BRCA2: variants seen among roughly 807,000 people sequenced by gnomAD.
BRCA2 encodes BRCA2 DNA repair associated.
A neutral mutation model predicts 276.7 loss-of-function variants in BRCA2; 203 were observed. That is an observed-to-expected ratio of 0.73 (90% CI 0.65 to 0.82). BRCA2 has a LOEUF of 0.82. Ranked by LOEUF, BRCA2 falls within the 40% of genes least tolerant of loss-of-function variation. BRCA2 has a pLI of 0.00. For synonymous variants in BRCA2, 1,289 were observed against 1,338.4 expected, an observed-to-expected ratio of 0.96 and a Z score of 0.81; for missense variants, 3,920 against 3,915.0, an observed-to-expected ratio of 1.00 and a Z score of -0.03.
In BRCA2 at chr13:32,394,423, G is replaced by GT. The variant is rs565003752; in HGVS notation, c.9257-265dup. Reference sequence around the variant, plus strand: ...ATCTCCAGAAATCTTGCACAAATCTGTACTCCTGTTAGCAATGTGTGCGTA... The same window carrying GT: ...ATCTCCAGAAATCTTGCACAAATCTGTTACTCCTGTTAGCAATGTGTGCGTA... On this transcript the variant is annotated intron_variant, in intron 24 of 26. Coordinates refer to ENST00000380152, the MANE Select transcript of BRCA2 (RefSeq NM_000059.4). Among the ~76,000 whole-genome samples the GT allele has an allele frequency of 3.9e-5, 6 of 152,286 alleles. No homozygotes were observed. In the South Asian group the frequency reaches 1.2e-3, roughly 32 times the overall value.
intron 20 of BRCA2, 137 bp downstream of exon 20, chr13:32,371,237 G>T (rs1345776804): frequency 1.1e-6 from 1 of 903,210 alleles, no homozygotes; most frequent in African/African-American, 1.7e-5. Context: ...AGTATCTAGG[G>T]TATTCTTTTT....
At chr13:32,330,867 T>C (rs1256211586) in intron 8 of BRCA2, 52 bp from the exon 9 acceptor site, 1 of 1,069,654 alleles carries the variant, frequency 9.3e-7, no homozygotes, top group Non-Finnish European at 1.4e-6. Flanking sequence ...ACTACTACTA[T>C]ATGTGCATTG....
chr13:32,321,521 A>G (rs563320185), intron 3 of BRCA2, among the ~76,000 whole-genome samples: 28 of 152,360 alleles, frequency 1.8e-4, no homozygotes, highest in Middle Eastern at 3.4e-3. Flanking sequence ...TTTAATCATA[A>G]CCTGCTAGAA....
In BRCA2 at chr13:32,339,253, T is replaced by C. The variant is rs80358714; in HGVS notation, c.4898T>C (p.Ile1633Thr). Residue 1633 changes from isoleucine (I) to threonine (T), a missense_variant, in exon 11 of 27, where the codon ATC becomes ACC. This residue lies in a region of BRCA2 where 3,263 missense variants were observed against 3,156.9 expected (regional missense o/e 1.03). Transcript: ENST00000380152. ...QTENLKTSKS[I>T]FLKVKVHENV... The stretch of plus-strand genomic sequence containing the variant: ...GAAAATCTCAAAACATCAAAAAGTA[T>C]CTTTTTGAAAGTTAAAGTACATGAA... 1.5e-5 allele frequency: 24 copies of C among 1,612,580 alleles called. No homozygotes were observed. The South Asian group carries it at 2.5e-4, about 17-fold the overall frequency.
At position 32,340,718 on chromosome 13, in the gene BRCA2, A is replaced by T. The variant is rs1555284653; in HGVS notation, c.6363A>T (p.Glu2121Asp). The T allele has an allele frequency of 6.2e-7, 1 of 1,607,060 alleles. No homozygotes were observed. The highest frequency in any genetic ancestry group is 8.5e-7 in the Non-Finnish European group (1 of 1,178,438). ...ACCCAGAGCACTGTGTAAACTCAGA[A>T]ATGGAAAAAACCTGCAGTAAAGAAT... The part of the protein sequence containing the change: ...KRNPEHCVNS[E>D]MEKTCSKEFK... Residue 2121 changes from glutamate to aspartate, a missense_variant, in exon 11 of 27, where the codon GAA becomes GAT. By Grantham distance (45) the Glu-to-Asp change is conservative. Coordinates refer to ENST00000380152, the MANE Select transcript of BRCA2 (RefSeq NM_000059.4).
chr13:32,380,534 CT>C (rs11451886), intron 24 of BRCA2, among the ~76,000 whole-genome samples: 71 of 101,722 alleles, frequency 7.0e-4, no homozygotes, highest in East Asian at 1.5e-3. Context: ...CAGAGTCAAG[CT>C]TTTTTTTTTT....
intron 7 of BRCA2, among the ~76,000 whole-genome samples, chr13:32,327,680 A>G (rs1269733102): frequency 6.6e-6 from 1 of 151,972 alleles, no homozygotes; most frequent in South Asian, 2.1e-4. Flanking sequence ...CTCAAAAAAA[A>G]AAAAAAATCC....
At chr13:32,329,858 A>C (rs118125344) in intron 8 of BRCA2, among the ~76,000 whole-genome samples, 21 of 152,210 alleles carry the variant, frequency 1.4e-4, no homozygotes, top group Non-Finnish European at 2.6e-4. Context: ...CCCTGTGATA[A>C]AGTTTAATTC....
rs192305014 is a variant in BRCA2, at chr13:32,331,280, G to A, written c.793+250G>A. 7.9e-5 allele frequency among the ~76,000 whole-genome samples: 12 copies of A among 152,194 alleles called. No homozygotes were observed. In the East Asian group the frequency reaches 1.3e-3, roughly 17 times the overall value. On this transcript the variant is annotated intron_variant, in intron 9 of 26. Coordinates refer to ENST00000380152, the MANE Select transcript of BRCA2 (RefSeq NM_000059.4). ...TTGGCCAGGCTGGTCTCAAATGGTC[G>A]TGAGCCACCATGCCCAGCCTGAACT...
Position 32,350,472 on chromosome 13 carries a change from G to A in BRCA2, c.7007+3576G>A, listed in dbSNP as rs371881771. 5.9e-5 allele frequency among the ~76,000 whole-genome samples: 9 copies of A among 152,160 alleles called. No individual in the cohort carries two copies. The South Asian group carries it at 8.3e-4, about 14-fold the overall frequency. On this transcript the variant is annotated intron_variant, in intron 13 of 26. Transcript: ENST00000380152. The stretch of plus-strand genomic sequence containing the variant: ...ATTTATATACTACCCATTAATGGCC[G>A]GGTGTGGTGGTTCACGCCTGTAATC...
chr13:32,378,275 C>T (rs997822977), intron 21 of BRCA2, among the ~76,000 whole-genome samples: 18 of 152,156 alleles, frequency 1.2e-4, no homozygotes, highest in Non-Finnish European at 2.4e-4. Context: ...TTTCTTAGGA[C>T]CTCATTTCCA....
At chr13:32,358,019 G>T (rs752500255) in intron 16 of BRCA2, 90 bp downstream of exon 16, 7 of 1,406,784 alleles carry the variant, frequency 5.0e-6, no homozygotes, top group Non-Finnish European at 7.0e-6. Context: ...TAAAAAGTTG[G>T]CTAGAAATCA....
In BRCA2 at chr13:32,333,034, GT is replaced by G. The variant is rs886040374; in HGVS notation, c.1561del (p.Ser521GlnfsTer4). The G allele has an allele frequency of 6.3e-7, 1 of 1,596,862 alleles. No individual in the cohort carries two copies. Among genetic ancestry groups the G allele is most frequent in the Non-Finnish European group, 8.5e-7 (1 of 1,175,648 alleles). On this transcript the variant is annotated frameshift_variant, in exon 10 of 27. Transcript: ENST00000380152. LOFTEE classifies it high-confidence loss of function. Reference sequence around the variant, plus strand: ...TCACCTAAAGAGACTTTCAATGCAAGTTTTTCAGGTCATATGACTGATCCAA... The same window carrying G: ...TCACCTAAAGAGACTTTCAATGCAAGTTTTCAGGTCATATGACTGATCCAA... The part of the protein sequence containing the change: ...RESPKETFNA[S>X]FSGHMTDPNF...
chr13:32,353,890 G>A (rs1397761005), intron 13 of BRCA2, among the ~76,000 whole-genome samples: 2 of 152,218 alleles, frequency 1.3e-5, no homozygotes, highest in African/African-American at 2.4e-5. Context: ...AGGTACAGAT[G>A]TCTGATGCTA....
At position 32,344,625 on chromosome 13, in the gene BRCA2, C is replaced by T. The variant is rs1131692116; in HGVS notation, c.6909C>T (p.Ser2303=). The T allele has an allele frequency of 1.3e-6, 2 of 1,581,490 alleles. No individual in the cohort carries two copies. The highest frequency in any genetic ancestry group is 1.1e-5 in the South Asian group (1 of 90,374). Residue 2303 remains serine (S), a synonymous_variant, in exon 12 of 27, where the codon TCC becomes TCT. Coordinates refer to ENST00000380152, the MANE Select transcript of BRCA2 (RefSeq NM_000059.4). The part of the protein sequence containing the change: ...FDRIIENQEK[S]LKASKSTPDG... ...GGATAATAGAAAATCAAGAAAAATC[C>T]TTAAAGGCTTCAAAAAGCACTCCAG...
Position 32,338,049 on chromosome 13 carries a change from G to C in BRCA2, c.3694G>C (p.Glu1232Gln). The C allele has an allele frequency of 1.2e-6, 2 of 1,611,350 alleles. No individual in the cohort carries two copies. Among genetic ancestry groups the C allele is most frequent in the Non-Finnish European group, 1.7e-6 (2 of 1,178,838 alleles). The change falls in exon 11 of 27, where the codon GAA becomes CAA. Residue 1232 changes from glutamate (E) to glutamine (Q), a missense_variant. Glu to Gln is a conservative substitution (Grantham distance 29, BLOSUM62 2). This residue lies in a region of BRCA2 where 3,263 missense variants were observed against 3,156.9 expected (regional missense o/e 1.03). Transcript: ENST00000380152. ...TGGCACAAAACTGAATGTTTCTACT[G>C]AAGCTCTGCAAAAAGCTGTGAAACT... ...AHGTKLNVSTEALQKAVKLFS... is the reference protein window; with the variant it reads ...AHGTKLNVSTQALQKAVKLFS...
Position 32,339,749 on chromosome 13 carries a change from T to C in BRCA2, c.5394T>C (p.Asn1798=), listed in dbSNP as rs786204276. ...TAATATCCAATGTAAAAGATGCAAA[T>C]GCATACCCACAAACTGTAAATGAAG... The part of the protein sequence containing the change: ...SKVISNVKDA[N]AYPQTVNEDI... The change falls in exon 11 of 27, where the codon AAT becomes AAC. Residue 1798 remains asparagine, a synonymous_variant. Coordinates refer to ENST00000380152, the MANE Select transcript of BRCA2 (RefSeq NM_000059.4). 6.2e-7 allele frequency: 1 copy of C among 1,613,910 alleles called. No homozygotes were observed. The highest frequency in any genetic ancestry group is 8.5e-7 in the Non-Finnish European group (1 of 1,179,886).
At chr13:32,381,539 G>A (rs1182060051) in intron 24 of BRCA2, among the ~76,000 whole-genome samples, 2 of 152,126 alleles carry the variant, frequency 1.3e-5, no homozygotes, top group Non-Finnish European at 2.9e-5. Context: ...TACAAAGGCC[G>A]CAGTACAGCA....
chr13:32,392,469 TG>T (rs1405621842), intron 24 of BRCA2, among the ~76,000 whole-genome samples: 1 of 152,018 alleles, frequency 6.6e-6, no homozygotes, highest in Non-Finnish European at 1.5e-5. Flanking sequence ...GCAGATCACT[TG>T]AGGCCAGGAG....
Sources: gnomAD v4.1 joint callset for allele counts (sites outside exome capture counted in the v4.1 genomes callset) on GRCh38, gnomAD v4.1.1 for gene constraint, gnomAD v4.1.1 regional missense constraint, MANE v1.5 for transcripts, NCBI Gene and HGNC (gene_info 2026-07-23, HGNC 2026-07-21) for gene names.